PDE5A: variants seen among roughly 807,000 people sequenced by gnomAD.
PDE5A encodes the protein cGMP-specific 3',5'-cyclic phosphodiesterase.
Under a neutral mutation model 110.2 loss-of-function variants are expected in PDE5A, and 67 were observed. The observed-to-expected ratio is 0.61, with a 90% CI of 0.50 to 0.75. The LOEUF (loss-of-function observed/expected upper bound fraction) is 0.75, where lower values mean the gene tolerates loss of function less well. Among genes scored for constraint, PDE5A ranks in the 30% least tolerant of loss-of-function variants. The pLI is 0.00. For missense variants in PDE5A, 862 were observed against 1,045.1 expected (o/e 0.82, Z 2.42); for synonymous variants, 328 against 351.2 (o/e 0.93, Z 0.74).
At chr4:119,573,575 A>G (rs1728214408) in intron 3 of PDE5A, among the ~76,000 whole-genome samples, 1 of 152,150 alleles carries the variant, frequency 6.6e-6, no homozygotes, top group Admixed American at 6.5e-5. Flanking sequence ...TCAAAGTTAG[A>G]TATTTCTTTA....
At chr4:119,579,070 C>G (rs1210326355) in intron 3 of PDE5A, among the ~76,000 whole-genome samples, 4 of 151,866 alleles carry the variant, frequency 2.6e-5, no homozygotes, top group Non-Finnish European at 4.4e-5. Flanking sequence ...TTTATGCAGC[C>G]AAAAGACACA....
intron 5 of PDE5A, among the ~76,000 whole-genome samples, chr4:119,564,059 CA>C (rs1202421409): frequency 6.6e-6 from 1 of 151,452 alleles, no homozygotes; most frequent in African/African-American, 2.4e-5. Flanking sequence ...AATTAAGTTA[CA>C]AAAGCAAATA....
intron 7 of PDE5A, among the ~76,000 whole-genome samples, chr4:119,558,010 A>G (rs1328197632): frequency 6.6e-6 from 1 of 152,222 alleles, no homozygotes; most frequent in African/African-American, 2.4e-5. Flanking sequence ...GTGAATGAAC[A>G]TAAAGTTAAT....
chr4:119,551,702 T>C (rs868017315), intron 9 of PDE5A, among the ~76,000 whole-genome samples: 48 of 7,974 alleles, frequency 6.0e-3, no homozygotes, highest in Middle Eastern at 0.33. Flanking sequence ...CTATTTTCAT[T>C]ACTGATATAC....
At position 119,518,673 on chromosome 4, in the gene PDE5A, A is replaced by G. The variant is rs1191841880; in HGVS notation, c.2000+372T>C. On this transcript the variant is annotated intron_variant, in intron 14 of 20. Transcript: ENST00000354960. ...AAAGCCTCCTTCTACTGAGCACTTA[A>G]TAAGTATGTAGGGCCGAGCTAAGCA... Among the ~76,000 whole-genome samples the G allele has an allele frequency of 2.6e-5, 4 of 152,224 alleles. No homozygotes were observed. In the East Asian group the frequency reaches 5.8e-4, roughly 22 times the overall value.
chr4:119,622,740 G>T (rs1290704496), intron 1 of PDE5A, among the ~76,000 whole-genome samples: 1 of 151,750 alleles, frequency 6.6e-6, no homozygotes, highest in Non-Finnish European at 1.5e-5. Context: ...GGGTGTGGTG[G>T]TGGGCACCTG....
chr4:119,577,971 T>C (rs1728427516), intron 3 of PDE5A, among the ~76,000 whole-genome samples: 3 of 152,208 alleles, frequency 2.0e-5, no homozygotes, highest in Admixed American at 2.0e-4. Context: ...CTTAAGCTGA[T>C]AGGCAACTTC....
intron 2 of PDE5A, among the ~76,000 whole-genome samples, chr4:119,604,018 A>C: frequency 6.6e-6 from 1 of 152,342 alleles, no homozygotes; most frequent in Non-Finnish European, 1.5e-5. Flanking sequence ...TAATATCAAT[A>C]TAAATTAGAT....
chr4:119,537,712 T>C (rs6835635), intron 11 of PDE5A, among the ~76,000 whole-genome samples: 39,787 of 151,414 alleles, frequency 0.26, 5,350 homozygotes, highest in East Asian at 0.38. Context: ...CCTCATCGCT[T>C]GAGTCCTGCC....
At position 119,494,663 on chromosome 4, in the gene PDE5A, T is replaced by A. The variant is rs1167888014; in HGVS notation, c.*3938A>T. 1 of 152,572 alleles carries A rather than the reference T, an allele frequency of 6.6e-6. No homozygotes were observed. Among genetic ancestry groups the A allele is most frequent in the Non-Finnish European group, 1.5e-5 (1 of 68,028 alleles). 9.5% of individuals were successfully genotyped at this position (152,572 alleles called of 1,614,324 possible). A position where few individuals can be genotyped will look rare whatever the true frequency, so the allele number is the denominator to read the frequency against. The stretch of plus-strand genomic sequence containing the variant: ...AGCTAAGCATAATATACATAGTAAC[T>A]CCTTTTCCTAGTATAAAAATAGTGC... On this transcript the variant is annotated 3_prime_UTR_variant, in exon 21 of 21. Transcript: ENST00000354960.
In PDE5A at chr4:119,537,949, C is replaced by T. The variant is rs557552201; in HGVS notation, c.1632+1011G>A. Among the ~76,000 whole-genome samples the T allele has an allele frequency of 5.9e-4, 90 of 152,096 alleles. 1 individual carries two copies. The highest frequency in any genetic ancestry group is 1.2e-3 in the Admixed American group (19 of 15,246). On this transcript the variant is annotated intron_variant, in intron 11 of 20. Transcript: ENST00000354960. ...GAATCATGTGATTCTTAATATTCAT[C>T]TTAATATTTCCACTTTTATGAATTA...
chr4:119,584,068 G>A (rs1408193504), intron 3 of PDE5A, among the ~76,000 whole-genome samples: 1 of 152,180 alleles, frequency 6.6e-6, no homozygotes, highest in Non-Finnish European at 1.5e-5. Flanking sequence ...TGGGAGGCTG[G>A]CCCTTGCTGG....
chr4:119,556,263 A>G (rs1727534132), intron 7 of PDE5A, among the ~76,000 whole-genome samples: 1 of 152,184 alleles, frequency 6.6e-6, no homozygotes, highest in African/African-American at 2.4e-5. Flanking sequence ...AACAGGATGT[A>G]AGAGTAAATG....
rs1443954333 is a variant in PDE5A at position 119,497,221 on chromosome 4, TCCTTCTACTCTCC to T, written c.*1367_*1379del. ...GAAGTTAACAAATCAAGCAAATCTC[TCCTTCTACTCTCC>T]CCAAATCCAAACATTCCTGCATATT... is the stretch of plus-strand genomic sequence containing the variant. On this transcript the variant is annotated 3_prime_UTR_variant, in exon 21 of 21. Coordinates refer to ENST00000354960, the MANE Select transcript of PDE5A (RefSeq NM_001083.4). 7.9e-5 allele frequency: 12 copies of T among 152,204 alleles called. No individual in the cohort carries two copies. The highest frequency in any genetic ancestry group is 3.4e-3 in the Middle Eastern group (1 of 294). The allele number at this position is 152,204 out of a possible 1,614,324, so 9.4% of individuals were successfully genotyped here. A position where few individuals can be genotyped will look rare whatever the true frequency, so the allele number is the denominator to read the frequency against.
chr4:119,626,858 C>A (rs1047782290), intron 1 of PDE5A, among the ~76,000 whole-genome samples: 3 of 152,000 alleles, frequency 2.0e-5, no homozygotes, highest in Non-Finnish European at 4.4e-5. Flanking sequence ...GGAGCCTTCC[C>A]CTCTGTCAAA....
At chr4:119,590,155 T>C (rs1192013156) in intron 3 of PDE5A, among the ~76,000 whole-genome samples, 1 of 152,230 alleles carries the variant, frequency 6.6e-6, no homozygotes, top group Non-Finnish European at 1.5e-5. Flanking sequence ...ATGTTTCATG[T>C]CTCAGTTTCC....
At chr4:119,615,182 C>T (rs1290048410) in intron 1 of PDE5A, among the ~76,000 whole-genome samples, 2 of 152,150 alleles carry the variant, frequency 1.3e-5, no homozygotes, top group Admixed American at 1.3e-4. Flanking sequence ...AAGAAGTGGT[C>T]CTTGGGTCTG....
chr4:119,514,661 A>G (rs58101574), intron 14 of PDE5A, among the ~76,000 whole-genome samples: 1 of 152,250 alleles, frequency 6.6e-6, no homozygotes, highest in African/African-American at 2.4e-5. Context: ...ACTAGGTTCT[A>G]CTGGGCACAG....
chr4:119,606,789 T>C lies in PDE5A; in HGVS notation c.661A>G (p.Ile221Val). ...STLEEVSNNCIRLEWNKGIVG... is the reference protein window; with the variant it reads ...STLEEVSNNCVRLEWNKGIVG... ...ATGCCTTTGTTCCATTCTAAGCGGA[T>C]ACAGTTATTTGAAACTTCTTCCAGT... Residue 221 changes from isoleucine to valine, a missense_variant, in exon 2 of 21, where the codon ATC (isoleucine) becomes GTC (valine). Coordinates refer to ENST00000354960, the MANE Select transcript of PDE5A (RefSeq NM_001083.4). 6.2e-7 allele frequency: 1 copy of C among 1,614,156 alleles called. No individual in the cohort carries two copies. Among genetic ancestry groups the C allele is most frequent in the Non-Finnish European group, 8.5e-7 (1 of 1,180,026 alleles).
Sources: allele counts gnomAD v4.1 joint callset (sites outside exome capture counted in the v4.1 genomes callset), GRCh38; gene constraint gnomAD v4.1.1; transcripts MANE v1.5; gene names NCBI Gene and HGNC (gene_info 2026-07-23, HGNC 2026-07-21).